Variants in CNTLN observed in about 807,000 individuals in gnomAD.
CNTLN encodes centlein, also known as centlein, centrosomal protein.
In CNTLN, 212 loss-of-function variants were observed where a neutral mutation model predicts 180.0. The observed-to-expected ratio is 1.18, with a 90% CI of 1.05 to 1.32. CNTLN has a LOEUF of 1.32. Ranked by LOEUF, CNTLN falls within the 40% of genes most tolerant of loss-of-function variation. The pLI is 0.00. For missense variants in CNTLN, 2,095 were observed against 1,610.9 expected (o/e 1.30, Z -5.14); for synonymous variants, 722 against 563.1 (o/e 1.28, Z -3.99).
At chr9:17,149,512 C>CTTTTT (rs55691769) in intron 2 of CNTLN, among the ~76,000 whole-genome samples, 193 of 106,076 alleles carry the variant, frequency 1.8e-3, no homozygotes, top group African/African-American at 2.5e-3. Flanking sequence ...TTCTTTCTTT[C>CTTTTT]TTTTTTTTTT....
chr9:17,411,578 A>T (rs1827844332), intron 16 of CNTLN, among the ~76,000 whole-genome samples: 1 of 152,170 alleles, frequency 6.6e-6, no homozygotes, highest in Non-Finnish European at 1.5e-5. Context: ...ACTGGCTTAC[A>T]CAGCAGAAGG....
In CNTLN at chr9:17,335,271, C is replaced by T. The variant is rs1359266713; in HGVS notation, c.1644+2541C>T. On this transcript the variant is annotated intron_variant, in intron 10 of 25. Transcript: ENST00000380647. ...CGGTGGCTCACGCCTGTAATCCCAGCACTTTGGGAGGCCAAGCCGGGTGGA... is the reference window on the plus strand; with the variant it reads ...CGGTGGCTCACGCCTGTAATCCCAGTACTTTGGGAGGCCAAGCCGGGTGGA... 4.6e-5 allele frequency among the ~76,000 whole-genome samples: 7 copies of T among 152,316 alleles called. No homozygotes were observed. The East Asian group carries it at 9.6e-4, about 21-fold the overall frequency.
intron 2 of CNTLN, among the ~76,000 whole-genome samples, chr9:17,190,593 G>A (rs1761442451): frequency 6.6e-6 from 1 of 152,102 alleles, no homozygotes; most frequent in Non-Finnish European, 1.5e-5. Flanking sequence ...TTGATTGACA[G>A]ATATAGGTAG....
chr9:17,507,615 A>G (rs941981384), downstream of CNTLN, among the ~76,000 whole-genome samples: 3 of 152,172 alleles, frequency 2.0e-5, no homozygotes, highest in African/African-American at 4.8e-5. Flanking sequence ...TATTAACACA[A>G]ATTTATATAA....
At chr9:17,297,691 C>G (rs1231224476) in intron 6 of CNTLN, among the ~76,000 whole-genome samples, 1 of 152,198 alleles carries the variant, frequency 6.6e-6, no homozygotes, top group Non-Finnish European at 1.5e-5. Flanking sequence ...TATCCCAGCC[C>G]AGGACCCTGA....
intron 12 of CNTLN, 129 bp downstream of exon 12, chr9:17,342,573 GAA>G (rs68056113): frequency 1.3e-6 from 1 of 784,866 alleles, no homozygotes; most frequent in African/African-American, 1.8e-5. Context: ...TAAAAGTAAA[GAA>G]AAAAAGACTA....
At chr9:17,223,365 T>C (rs1824268492) in intron 2 of CNTLN, among the ~76,000 whole-genome samples, 1 of 152,016 alleles carries the variant, frequency 6.6e-6, no homozygotes, top group South Asian at 2.1e-4. Context: ...TTTTTACTGA[T>C]TCCAGACTTT....
chr9:17,459,491 A>G (rs1179291930), intron 19 of CNTLN, among the ~76,000 whole-genome samples: 2 of 151,896 alleles, frequency 1.3e-5, no homozygotes, highest in African/African-American at 2.4e-5. Flanking sequence ...ATGTTTTCAC[A>G]TAGAAATTTC....
intron 12 of CNTLN, among the ~76,000 whole-genome samples, chr9:17,359,249 G>C (rs1028886538): frequency 3.9e-5 from 6 of 151,926 alleles, no homozygotes; most frequent in African/African-American, 1.5e-4. Context: ...AAACTCCTGA[G>C]CTCAAGCAAT....
At chr9:17,195,717 T>TA (rs1237195247) in intron 2 of CNTLN, among the ~76,000 whole-genome samples, 1 of 152,266 alleles carries the variant, frequency 6.6e-6, no homozygotes. Flanking sequence ...GTGGTTTTGG[T>TA]AAAAAATGTA....
At chr9:17,471,592 C>G (rs1832045114) in intron 23 of CNTLN, among the ~76,000 whole-genome samples, 1 of 152,052 alleles carries the variant, frequency 6.6e-6, no homozygotes, top group African/African-American at 2.4e-5. Flanking sequence ...TTGTGCCATA[C>G]AGTGTTTTTA....
At chr9:17,474,017 C>T (rs147670313) in intron 23 of CNTLN, among the ~76,000 whole-genome samples, 5 of 152,252 alleles carry the variant, frequency 3.3e-5, no homozygotes, top group African/African-American at 1.2e-4. Flanking sequence ...CATTCTCTTC[C>T]TGACAGACAT....
chr9:17,380,929 A>G (rs1308731708), intron 13 of CNTLN, among the ~76,000 whole-genome samples: 2 of 152,218 alleles, frequency 1.3e-5, no homozygotes, highest in Non-Finnish European at 2.9e-5. Flanking sequence ...CTTGAACACA[A>G]TGCAACAAGT....
intron 2 of CNTLN, among the ~76,000 whole-genome samples, chr9:17,184,695 G>A (rs954344474): frequency 3.3e-5 from 5 of 152,124 alleles, no homozygotes; most frequent in African/African-American, 1.2e-4. Flanking sequence ...ACTCATACTA[G>A]CATAATTGCT....
At chr9:17,146,388 C>T (rs995757167) in intron 2 of CNTLN, among the ~76,000 whole-genome samples, 3 of 152,024 alleles carry the variant, frequency 2.0e-5, no homozygotes, top group African/African-American at 4.8e-5. Context: ...TCTGTTTGCT[C>T]TATGCTATGA....
intron 2 of CNTLN, among the ~76,000 whole-genome samples, chr9:17,214,146 G>C (rs1355863292): frequency 1.3e-5 from 2 of 152,114 alleles, no homozygotes; most frequent in African/African-American, 4.8e-5. Flanking sequence ...TTTCTTCCTA[G>C]CCTCGATGGT....
At chr9:17,305,862 T>C (rs1818669295) in intron 7 of CNTLN, among the ~76,000 whole-genome samples, 1 of 152,078 alleles carries the variant, frequency 6.6e-6, no homozygotes, top group African/African-American at 2.4e-5. Flanking sequence ...AACAGGCAAG[T>C]AGGAGATGTA....
chr9:17,224,563 G>A (rs904807140), intron 2 of CNTLN, among the ~76,000 whole-genome samples: 15 of 152,076 alleles, frequency 9.9e-5, no homozygotes, highest in African/African-American at 3.6e-4. Context: ...CTATTTTCCT[G>A]TGTAGTGTTC....
intron 5 of CNTLN, among the ~76,000 whole-genome samples, chr9:17,250,835 C>G (rs544014744): frequency 5.9e-5 from 9 of 151,998 alleles, no homozygotes; most frequent in Admixed American, 2.6e-4. Flanking sequence ...CACCTATTTA[C>G]CTTTACTAGA....
Sources: gnomAD v4.1 joint callset for allele counts (sites outside exome capture counted in the v4.1 genomes callset) on GRCh38, gnomAD v4.1.1 for gene constraint, MANE v1.5 for transcripts, NCBI Gene and HGNC (gene_info 2026-07-23, HGNC 2026-07-21) for gene names.